TASOR2: variants seen among roughly 807,000 people sequenced by gnomAD.
The protein encoded by TASOR2 is transcription activation suppressor family member 2, also known as protein TASOR 2.
TASOR2 carries 84 observed loss-of-function variants against 199.5 expected under a neutral mutation model. That is an observed-to-expected ratio of 0.42 (90% CI 0.35 to 0.50). The LOEUF (loss-of-function observed/expected upper bound fraction) is 0.50. Among genes scored for constraint, TASOR2 ranks in the 20% least tolerant of loss-of-function variants. The pLI is 0.02. For synonymous variants in TASOR2, 1,103 were observed against 1,046.6 expected, an observed-to-expected ratio of 1.05 and a Z score of -1.04; for missense variants, 2,796 against 2,835.9, an observed-to-expected ratio of 0.99 and a Z score of 0.32.
At chr10:5,718,776 AAAGTG>A (rs1564288437) in intron 3 of TASOR2, among the ~76,000 whole-genome samples, 1 of 151,628 alleles carries the variant, frequency 6.6e-6, no homozygotes, top group Non-Finnish European at 1.5e-5. Flanking sequence ...AAAAAAAAAA[AAAGTG>A]GTGGGGGAGT....
chr10:5,724,566 T>A (rs762564239), intron 8 of TASOR2, 33 bp downstream of exon 9: 109 of 903,434 alleles, frequency 1.2e-4, no homozygotes, highest in Non-Finnish European at 1.5e-4. Flanking sequence ...ATAATTATTA[T>A]GTTTTTCTTT....
exon 15 of TASOR2, chr10:5,749,646 T>C (rs770621875): frequency 6.2e-7 from 1 of 1,614,058 alleles, no homozygotes; most frequent in South Asian, 1.1e-5. Context: ...GATGTAGTCA[T>C]AATAGAGATC....
In TASOR2 at chr10:5,706,618, G is replaced by C. The variant is rs1313539239; in HGVS notation, c.-287-6205G>C. On this transcript the variant is annotated intron_variant, in intron 1 of 20. Transcript: ENST00000328090. The surrounding 1 kb of genome is among the most constrained non-coding windows in gnomAD (Gnocchi z 4.8). Reference sequence around the variant, plus strand: ...ATAATGATTGGTAACTGAAAATTAAGCTATTTTAAATTCAGAAAAGCAAAA... The same window carrying C: ...ATAATGATTGGTAACTGAAAATTAACCTATTTTAAATTCAGAAAAGCAAAA... Among the ~76,000 whole-genome samples the C allele has an allele frequency of 6.6e-6, 1 of 152,176 alleles. No individual in the cohort carries two copies. Among genetic ancestry groups the C allele is most frequent in the Non-Finnish European group, 1.5e-5 (1 of 68,020 alleles).
At chr10:5,726,126 G>A (rs72774077) in intron 8 of TASOR2, among the ~76,000 whole-genome samples, 25,966 of 152,048 alleles carry the variant, frequency 0.17, 2,507 homozygotes, top group Admixed American at 0.23. Flanking sequence ...TACTAATATT[G>A]GATTTTATCT....
chr10:5,721,876 G>A (rs565951879), intron 6 of TASOR2, among the ~76,000 whole-genome samples: 1 of 152,304 alleles, frequency 6.6e-6, no homozygotes, highest in Admixed American at 6.5e-5. Flanking sequence ...GTTAATGATA[G>A]ACCTATCCTG....
chr10:5,733,579 G>A (rs1412098260), intron 11 of TASOR2, among the ~76,000 whole-genome samples: 2 of 152,218 alleles, frequency 1.3e-5, no homozygotes, highest in Non-Finnish European at 2.9e-5. Context: ...TTCAGTTTGA[G>A]AAGCATGGTA....
At chr10:5,761,347 TATC>T (rs1564377375) in exon 19 of TASOR2, 8 of 1,614,026 alleles carry the variant, frequency 5.0e-6, no homozygotes, top group South Asian at 1.1e-5. Flanking sequence ...AGAGTGCAAA[TATC>T]ATTGAATTGC....
In TASOR2 at chr10:5,752,762, C is replaced by T. The variant is rs1473654006; in HGVS notation, c.6606+2735C>T. ...CATATGGAGGTGTGTAGCTGGCAAA[C>T]ACCACAGGGAACAGCCTCCTTGTGC... On this transcript the variant is annotated intron_variant, in intron 15 of 20. Transcript: ENST00000328090. This position sits in a 1 kb window ranked among gnomAD's most constrained non-coding sequence, Gnocchi z 4.4. Among the ~76,000 whole-genome samples the T allele has an allele frequency of 2.0e-5, 3 of 152,216 alleles. No individual in the cohort carries two copies. The highest frequency in any genetic ancestry group is 4.4e-5 in the Non-Finnish European group (3 of 68,034).
rs1420036540 is a variant in TASOR2 at position 5,689,919 on chromosome 10, G to A, written c.-288+4744G>A. 2.6e-5 allele frequency among the ~76,000 whole-genome samples: 4 copies of A among 152,242 alleles called. No individual in the cohort carries two copies. Among genetic ancestry groups the A allele is most frequent in the African/African-American group, 9.6e-5 (4 of 41,552 alleles). ...TGGAACTAGTCTTTTGGAAGAGGGG[G>A]TAGAGTTTTTGACTACTCTTTTCAT... On this transcript the variant is annotated intron_variant, in intron 1 of 20. Coordinates refer to ENST00000328090, the Ensembl canonical transcript of TASOR2. This position sits in a 1 kb window ranked among gnomAD's most constrained non-coding sequence, Gnocchi z 4.1.
At position 5,750,783 on chromosome 10, in the gene TASOR2, T is replaced by C. The variant is rs956552022; in HGVS notation, c.6606+756T>C. On this transcript the variant is annotated intron_variant, in intron 15 of 20. Transcript: ENST00000328090. The surrounding 1 kb of genome is among the most constrained non-coding windows in gnomAD (Gnocchi z 5.4). ...AATGTGTATTACCTGAGTTCAAGGA[T>C]CCTCATCTTTTTAACCACAGAACAA... 4.6e-5 allele frequency among the ~76,000 whole-genome samples: 7 copies of C among 152,216 alleles called. No individual in the cohort carries two copies. Among genetic ancestry groups the C allele is most frequent in the Non-Finnish European group, 1.0e-4 (7 of 68,044 alleles).
At chr10:5,712,258 TG>T in intron 1 of TASOR2, 1 of 558,898 alleles carries the variant, frequency 1.8e-6, no homozygotes, top group Non-Finnish European at 2.7e-6. Context: ...TTTTAAATTT[TG>T]TTAAGACAGT....
At chr10:5,746,537 A>T (rs762209707) in exon 15 of TASOR2, 1 of 1,614,202 alleles carries the variant, frequency 6.2e-7, no homozygotes, top group Admixed American at 1.7e-5. Flanking sequence ...GAAAGAAAGG[A>T]TGATAATATG....
intron 1 of TASOR2, among the ~76,000 whole-genome samples, chr10:5,688,408 T>A (rs1214352516): frequency 2.1e-5 from 3 of 144,268 alleles, no homozygotes; most frequent in African/African-American, 7.7e-5. Context: ...TTTTTTTTTT[T>A]TTTTTTTTTT....
exon 15 of TASOR2, chr10:5,747,972 G>A (rs1447417545): frequency 1.2e-6 from 2 of 1,613,394 alleles, no homozygotes; most frequent in Non-Finnish European, 8.5e-7. Flanking sequence ...TCTCAGGAAA[G>A]GTGCAGTGCT....
At chr10:5,709,132 A>C (rs1392204365) in intron 1 of TASOR2, among the ~76,000 whole-genome samples, 1 of 152,176 alleles carries the variant, frequency 6.6e-6, no homozygotes, top group Non-Finnish European at 1.5e-5. Flanking sequence ...TGTTTAATGA[A>C]TATATATACA....
At chr10:5,739,385 T>C (rs926228666) in intron 12 of TASOR2, among the ~76,000 whole-genome samples, 1 of 152,212 alleles carries the variant, frequency 6.6e-6, no homozygotes, top group Admixed American at 6.5e-5. Flanking sequence ...CACATTATAA[T>C]CTGAGGGTTG....
Position 5,740,696 on chromosome 10 carries a change from G to A in TASOR2, c.2327+199G>A, listed in dbSNP as rs2131613893. On this transcript the variant is annotated intron_variant, in intron 13 of 20. Transcript: ENST00000328090. This position sits in a 1 kb window ranked among gnomAD's most constrained non-coding sequence, Gnocchi z 5.3. ...AGGCTGGTTTTCCCCCTGTGCTCAT[G>A]TGGAGAAGTTTTTAAAGATAATTTT... Among the ~76,000 whole-genome samples, 1 of 152,340 alleles carries A rather than the reference G, an allele frequency of 6.6e-6. No individual in the cohort carries two copies. Among genetic ancestry groups the A allele is most frequent in the East Asian group, 1.9e-4 (1 of 5,186 alleles).
At chr10:5,713,462 C>T (rs946764827) in intron 2 of TASOR2, among the ~76,000 whole-genome samples, 3 of 152,078 alleles carry the variant, frequency 2.0e-5, no homozygotes, top group Non-Finnish European at 4.4e-5. Context: ...TTCCGAGATA[C>T]ATTTTAAACA....
Position 5,740,481 on chromosome 10 carries a change from G to A in TASOR2, c.2311G>A (p.Val771Ile), listed in dbSNP as rs187519406. 4 of 1,612,054 alleles carry A rather than the reference G, an allele frequency of 2.5e-6. No individual in the cohort carries two copies. The African/African-American group carries it at 5.3e-5, about 21-fold the overall frequency. ...CAACAACCCACTGGAGAAAACTGTA[G>A]TAAGAGCATTACATGGGTGAGTATG... Residue 771 changes from valine to isoleucine, a missense_variant, in exon 13 of 21, where the codon GTA becomes ATA. This residue lies in a region of TASOR2 where 8 missense variants were observed against 23.6 expected (regional missense o/e 0.34). Coordinates refer to ENST00000328090, the Ensembl canonical transcript of TASOR2. This position sits in a 1 kb window ranked among gnomAD's most constrained non-coding sequence, Gnocchi z 5.3.
Sources: allele counts gnomAD v4.1 joint callset (sites outside exome capture counted in the v4.1 genomes callset), GRCh38; gene constraint gnomAD v4.1.1; regional missense constraint gnomAD v4.1.1; non-coding constraint Gnocchi (gnomAD v3.1); transcripts MANE v1.5; gene names NCBI Gene and HGNC (gene_info 2026-07-23, HGNC 2026-07-21).